LRMDA: variants seen among roughly 807,000 people sequenced by gnomAD.
LRMDA encodes the protein leucine rich melanocyte differentiation associated.
LRMDA carries 18 observed loss-of-function variants against 29.8 expected under a neutral mutation model. The observed-to-expected ratio is 0.60, with a 90% CI of 0.42 to 0.90. The LOEUF (loss-of-function observed/expected upper bound fraction) is 0.90. LRMDA is among the 40% of genes least tolerant of loss of function. The pLI, the probability that LRMDA is intolerant of heterozygous loss-of-function variation, is 0.00. For synonymous variants in LRMDA, 125 were observed against 109.4 expected (o/e 1.14, Z -0.89); for missense variants, 273 against 273.9 (o/e 1.00, Z 0.02).
intron 2 of LRMDA, among the ~76,000 whole-genome samples, chr10:75,612,642 T>G (rs1841046744): frequency 6.8e-6 from 1 of 147,966 alleles, no homozygotes; most frequent in Non-Finnish European, 1.5e-5. Context: ...ATTTATATAT[T>G]TATATATTTG....
At chr10:76,211,556 G>T (rs1051187139) in intron 5 of LRMDA, among the ~76,000 whole-genome samples, 5 of 152,206 alleles carry the variant, frequency 3.3e-5, no homozygotes, top group Non-Finnish European at 7.3e-5. Context: ...AACAATGAAT[G>T]ACTGTACTTT....
chr10:76,367,558 G>T (rs1446025756), intron 6 of LRMDA, among the ~76,000 whole-genome samples: 1 of 151,958 alleles, frequency 6.6e-6, no homozygotes. Context: ...GCAAGTAGCT[G>T]GGATTACAGG....
chr10:75,929,293 C>CTGTGTGTGTGTG lies in LRMDA; in HGVS notation c.132-106714_132-106713insGTGTGTGTGTGT, dbSNP rs1356774992. ...ATATACAAGCATTTAAATGCATGAT[C>CTGTGTGTGTGTG]TATGTGTGTGTGTGTGTGTGTAAAT... On this transcript the variant is annotated intron_variant, in intron 2 of 6. Transcript: ENST00000611255. Among the ~76,000 whole-genome samples the CTGTGTGTGTGTG allele has an allele frequency of 8.4e-3, 907 of 108,364 alleles. 43 individuals carry two copies. In the East Asian group the frequency reaches 0.18, roughly 22 times the overall value. 71.1% of individuals were successfully genotyped at this position (108,364 alleles called of 152,430 possible).
chr10:76,070,619 G>A (rs1283119810), intron 5 of LRMDA, among the ~76,000 whole-genome samples: 1 of 152,196 alleles, frequency 6.6e-6, no homozygotes, highest in Admixed American at 6.5e-5. Context: ...GAATTTGGGG[G>A]TACGCATTCA....
At chr10:75,537,049 G>T (rs1415048226) in intron 2 of LRMDA, among the ~76,000 whole-genome samples, 2 of 152,160 alleles carry the variant, frequency 1.3e-5, no homozygotes, top group African/African-American at 4.8e-5. Flanking sequence ...TGGTATTTCA[G>T]CTACTCCCTT....
chr10:76,270,102 A>G (rs926890154), intron 5 of LRMDA: 1 of 152,250 alleles, frequency 6.6e-6, no homozygotes, highest in African/African-American at 2.4e-5. Flanking sequence ...TCAATACAGC[A>G]GTGAAGATGA....
Position 75,701,924 on chromosome 10 carries a change from T to C in LRMDA, c.131+263430T>C, listed in dbSNP as rs145137329. Among the ~76,000 whole-genome samples, 119 of 152,232 alleles carry C rather than the reference T, an allele frequency of 7.8e-4. 1 individual carries two copies. The highest frequency in any genetic ancestry group is 1.4e-3 in the Non-Finnish European group (97 of 68,002). ...CCCTTAGATTCTAATCGCTTCCCATTATTTGCAGTATTTTATCTTTCTCCT... is the reference window on the plus strand; with the variant it reads ...CCCTTAGATTCTAATCGCTTCCCATCATTTGCAGTATTTTATCTTTCTCCT... On this transcript the variant is annotated intron_variant, in intron 2 of 6. Coordinates refer to ENST00000611255, the MANE Select transcript of LRMDA (RefSeq NM_001305581.2).
At chr10:75,657,045 A>G (rs1841685654) in intron 2 of LRMDA, among the ~76,000 whole-genome samples, 1 of 152,184 alleles carries the variant, frequency 6.6e-6, no homozygotes, top group Non-Finnish European at 1.5e-5. Context: ...CATGGAAGAA[A>G]ATTTGGAATC....
At chr10:76,486,982 A>G (rs1842788748) in intron 6 of LRMDA, among the ~76,000 whole-genome samples, 1 of 151,910 alleles carries the variant, frequency 6.6e-6, no homozygotes, top group Admixed American at 6.6e-5. Flanking sequence ...CTAAAGATGA[A>G]CAGGTTATTA....
At chr10:75,701,123 G>A (rs1368821971) in intron 2 of LRMDA, among the ~76,000 whole-genome samples, 1 of 152,168 alleles carries the variant, frequency 6.6e-6, no homozygotes, top group Non-Finnish European at 1.5e-5. Flanking sequence ...GCATTGGGAA[G>A]GGGAGTCCAA....
At chr10:76,415,334 A>AAG (rs1322310826) in intron 6 of LRMDA, among the ~76,000 whole-genome samples, 1 of 152,230 alleles carries the variant, frequency 6.6e-6, no homozygotes, top group African/African-American at 2.4e-5. Context: ...TTCTGTCCAG[A>AAG]AGAGCTTTAG....
chr10:75,688,379 G>T (rs1330895178), intron 2 of LRMDA, among the ~76,000 whole-genome samples: 1 of 152,240 alleles, frequency 6.6e-6, no homozygotes, highest in Non-Finnish European at 1.5e-5. Context: ...AGGGCTTCAA[G>T]ACTTCAGTGG....
intron 6 of LRMDA, among the ~76,000 whole-genome samples, chr10:76,340,527 A>AAAAAG (rs1841027537): frequency 6.6e-6 from 1 of 150,668 alleles, no homozygotes; most frequent in Non-Finnish European, 1.5e-5. Flanking sequence ...AAAAAAAAAA[A>AAAAAG]AAAAAAAAAA....
chr10:76,008,590 G>A (rs1261823922), intron 2 of LRMDA, among the ~76,000 whole-genome samples: 10 of 152,240 alleles, frequency 6.6e-5, no homozygotes, highest in Admixed American at 5.2e-4. Context: ...GGACTGGCGT[G>A]GCCAGTGCCA....
intron 5 of LRMDA, among the ~76,000 whole-genome samples, chr10:76,170,363 A>G (rs546094455): frequency 6.6e-6 from 1 of 152,330 alleles, no homozygotes; most frequent in Non-Finnish European, 1.5e-5. Flanking sequence ...TTTATGTTAA[A>G]TTCTTGCAGA....
intron 5 of LRMDA, among the ~76,000 whole-genome samples, chr10:76,111,988 T>G (rs546682489): frequency 6.6e-6 from 1 of 152,334 alleles, no homozygotes; most frequent in East Asian, 1.9e-4. Context: ...TGGCTACATT[T>G]GAAAATCTTT....
At chr10:75,620,995 C>T (rs1177600271) in intron 2 of LRMDA, among the ~76,000 whole-genome samples, 1 of 152,080 alleles carries the variant, frequency 6.6e-6, no homozygotes, top group Admixed American at 6.5e-5. Flanking sequence ...CCGCCTTCAC[C>T]ATTTCCCCCG....
chr10:75,906,911 G>A (rs1845768721), intron 2 of LRMDA, among the ~76,000 whole-genome samples: 1 of 152,210 alleles, frequency 6.6e-6, no homozygotes, highest in Non-Finnish European at 1.5e-5. Flanking sequence ...CCGGGGCTAG[G>A]TTGCTTTAAC....
intron 6 of LRMDA, among the ~76,000 whole-genome samples, chr10:76,516,075 A>G (rs1335687842): frequency 6.6e-6 from 1 of 152,178 alleles, no homozygotes; most frequent in Non-Finnish European, 1.5e-5. Flanking sequence ...TCTTATTTGT[A>G]GCACAGATCC....
Sources: gnomAD v4.1 joint callset for allele counts (sites outside exome capture counted in the v4.1 genomes callset) on GRCh38, gnomAD v4.1.1 for gene constraint, MANE v1.5 for transcripts, NCBI Gene and HGNC (gene_info 2026-07-23, HGNC 2026-07-21) for gene names.